CMSS1: variants seen among roughly 807,000 people sequenced by gnomAD.
The protein encoded by CMSS1 is protein CMSS1.
Under a neutral mutation model 43.5 loss-of-function variants are expected in CMSS1, and 33 were observed. The ratio of observed to expected loss-of-function variants is 0.76; its 90% CI spans 0.57 to 1.01. The LOEUF (loss-of-function observed/expected upper bound fraction) is 1.01, where lower values mean the gene tolerates loss of function less well. CMSS1 is among the 50% of genes least tolerant of loss of function. The pLI, the probability that CMSS1 is intolerant of heterozygous loss-of-function variation, is 0.00. For synonymous variants in CMSS1, 115 were observed against 117.2 expected, an observed-to-expected ratio of 0.98 and a Z score of 0.12; for missense variants, 313 against 326.4, an observed-to-expected ratio of 0.96 and a Z score of 0.32.
intron 1 of CMSS1, among the ~76,000 whole-genome samples, chr3:99,998,832 G>A (rs1709759333): frequency 6.6e-6 from 1 of 152,224 alleles, no homozygotes; most frequent in Non-Finnish European, 1.5e-5. Flanking sequence ...GCCTCCCAAA[G>A]TAATGGGATT....
At chr3:100,162,639 C>T (rs764781780) in intron 4 of CMSS1, among the ~76,000 whole-genome samples, 15 of 152,066 alleles carry the variant, frequency 9.9e-5, no homozygotes, top group East Asian at 5.8e-4. Flanking sequence ...GAGACCTCAT[C>T]GCTATTAAAA....
At chr3:99,957,373 C>A (rs902185922) in intron 1 of CMSS1, among the ~76,000 whole-genome samples, 2 of 151,980 alleles carry the variant, frequency 1.3e-5, no homozygotes, top group Non-Finnish European at 2.9e-5. Context: ...AGACTTGAAG[C>A]CAGAATGTTG....
chr3:99,950,750 G>A (rs931332882), intron 1 of CMSS1, among the ~76,000 whole-genome samples: 2 of 152,116 alleles, frequency 1.3e-5, no homozygotes, highest in Admixed American at 6.5e-5. Context: ...TCTTTGTTAT[G>A]TTTTCCTTTT....
At chr3:100,048,549 C>G (rs2065314830) in intron 1 of CMSS1, among the ~76,000 whole-genome samples, 1 of 152,184 alleles carries the variant, frequency 6.6e-6, no homozygotes, top group Non-Finnish European at 1.5e-5. Context: ...GTGACACAAC[C>G]CACCACACAG....
chr3:100,121,101 T>A (rs2066615440), intron 1 of CMSS1, among the ~76,000 whole-genome samples: 1 of 152,170 alleles, frequency 6.6e-6, no homozygotes, highest in African/African-American at 2.4e-5. Context: ...AGCAAACTCT[T>A]TTTTTTAATT....
At chr3:99,850,535 C>G (rs752275867) in intron 1 of CMSS1, 2 of 1,613,676 alleles carry the variant, frequency 1.2e-6, no homozygotes, top group South Asian at 2.2e-5. Context: ...CCTTCCATAT[C>G]TAGCACACGT....
intron 1 of CMSS1, among the ~76,000 whole-genome samples, chr3:99,859,359 T>C (rs1264013298): frequency 1.3e-5 from 2 of 152,230 alleles, no homozygotes; most frequent in Middle Eastern, 3.2e-3. Context: ...CCAAATAGTA[T>C]GATGATACCA....
intron 1 of CMSS1, among the ~76,000 whole-genome samples, chr3:99,907,813 G>A (rs895672968): frequency 6.6e-6 from 1 of 152,136 alleles, no homozygotes; most frequent in East Asian, 1.9e-4. Flanking sequence ...TCCATTAGGA[G>A]ATCAAGCCAT....
At chr3:100,051,209 TC>T (rs1035847059) in intron 1 of CMSS1, 2 of 152,146 alleles carry the variant, frequency 1.3e-5, no homozygotes, top group African/African-American at 4.8e-5. Context: ...TCTTATTTTT[TC>T]CGATATTCTG....
intron 1 of CMSS1, among the ~76,000 whole-genome samples, chr3:99,994,572 C>T (rs1318130550): frequency 1.3e-5 from 2 of 152,098 alleles, no homozygotes; most frequent in East Asian, 3.9e-4. Context: ...GAAATCAATA[C>T]AAGAGGAACT....
intron 1 of CMSS1, among the ~76,000 whole-genome samples, chr3:99,881,352 A>G (rs912565807): frequency 6.6e-6 from 1 of 152,172 alleles, no homozygotes; most frequent in Non-Finnish European, 1.5e-5. Flanking sequence ...TTTTGAGAAA[A>G]TGTTGAACTC....
chr3:100,156,467 C>T (rs914969284), intron 2 of CMSS1, among the ~76,000 whole-genome samples: 1 of 151,920 alleles, frequency 6.6e-6, no homozygotes, highest in South Asian at 2.1e-4. Context: ...CGCCACCACG[C>T]CCAGCTAATT....
chr3:100,148,755 T>C (rs867776591), intron 2 of CMSS1, among the ~76,000 whole-genome samples: 42 of 152,218 alleles, frequency 2.8e-4, no homozygotes, highest in African/African-American at 1.0e-3. Context: ...TTAATAATTA[T>C]ATTATAATCT....
intron 1 of CMSS1, chr3:99,830,120 G>C (rs557741303): frequency 1.0e-5 from 2 of 193,900 alleles, no homozygotes; most frequent in Non-Finnish European, 2.2e-5. Flanking sequence ...AGTGAATTCA[G>C]TCCTATCCCA....
intron 1 of CMSS1, among the ~76,000 whole-genome samples, chr3:100,129,496 T>G (rs17315194): frequency 0.089 from 13,544 of 152,286 alleles, 732 homozygotes; most frequent in East Asian, 0.17. Context: ...GAGGATATGT[T>G]AAGTCACACA....
At chr3:100,025,247 G>A (rs536340193) in intron 1 of CMSS1, among the ~76,000 whole-genome samples, 2 of 152,142 alleles carry the variant, frequency 1.3e-5, no homozygotes, top group Admixed American at 6.6e-5. Flanking sequence ...ACTGTTTGTG[G>A]CTATTTTTGT....
At chr3:100,075,278 G>A (rs994061846) in intron 1 of CMSS1, among the ~76,000 whole-genome samples, 2 of 152,264 alleles carry the variant, frequency 1.3e-5, no homozygotes, top group South Asian at 4.1e-4. Context: ...AATGACACAA[G>A]AGAACAATCT....
chr3:99,831,010 A>G (rs1942652819), intron 1 of CMSS1, among the ~76,000 whole-genome samples: 1 of 152,204 alleles, frequency 6.6e-6, no homozygotes, highest in South Asian at 2.1e-4. Context: ...CAGACTTTTA[A>G]AAGTTTTCAC....
At chr3:100,143,369 G>A (rs1460579884) in intron 1 of CMSS1, among the ~76,000 whole-genome samples, 1 of 152,124 alleles carries the variant, frequency 6.6e-6, no homozygotes, top group African/African-American at 2.4e-5. Flanking sequence ...GCAAAGCTTT[G>A]GCCTTTCATT....
Sources: gnomAD v4.1 joint callset for allele counts (sites outside exome capture counted in the v4.1 genomes callset) on GRCh38, gnomAD v4.1.1 for gene constraint, MANE v1.5 for transcripts, NCBI Gene and HGNC (gene_info 2026-07-23, HGNC 2026-07-21) for gene names.